Variants in CEP152 observed in about 807,000 individuals in gnomAD.
The protein encoded by CEP152 is centrosomal protein 152.
A neutral mutation model predicts 188.9 loss-of-function variants in CEP152; 132 were observed. That is an observed-to-expected ratio of 0.70 (90% CI 0.61 to 0.81). The LOEUF (loss-of-function observed/expected upper bound fraction) is 0.81. Ranked by LOEUF, CEP152 falls within the 30% of genes least tolerant of loss-of-function variation. CEP152 has a pLI of 0.00. For missense variants in CEP152, 1,914 were observed against 1,969.8 expected, an observed-to-expected ratio of 0.97 and a Z score of 0.54; for synonymous variants, 649 against 666.6, an observed-to-expected ratio of 0.97 and a Z score of 0.41.
intron 17 of CEP152, 68 bp downstream of exon 17, chr15:48,766,992 C>T (rs996411612): frequency 1.0e-5 from 16 of 1,591,004 alleles, no homozygotes; most frequent in Admixed American, 5.0e-5. Context: ...CAAATGTATT[C>T]GTTTAAATGA....
At chr15:48,742,556 T>C (rs995333395) in intron 24 of CEP152, among the ~76,000 whole-genome samples, 3 of 152,182 alleles carry the variant, frequency 2.0e-5, no homozygotes, top group African/African-American at 7.2e-5. Context: ...GAGAGACTCA[T>C]TCTTCTCTAG....
intron 22 of CEP152, 134 bp from the exon 23 acceptor site, chr15:48,745,126 T>C: frequency 1.7e-6 from 1 of 580,638 alleles, no homozygotes; most frequent in East Asian, 3.1e-5. Flanking sequence ...GTTCATCCCC[T>C]TAGAAACCCT....
intron 19 of CEP152, among the ~76,000 whole-genome samples, chr15:48,757,057 T>C (rs990230450): frequency 9.9e-5 from 15 of 152,186 alleles, no homozygotes; most frequent in African/African-American, 3.6e-4. Context: ...GAAAAAGTCA[T>C]TTTTCATTAG....
intron 18 of CEP152, among the ~76,000 whole-genome samples, chr15:48,760,627 C>T (rs1023235123): frequency 3.9e-5 from 6 of 152,148 alleles, no homozygotes; most frequent in Non-Finnish European, 7.4e-5. Flanking sequence ...TGTCTAATCA[C>T]TACACCCACC....
At chr15:48,789,600 T>C (rs1896882614) in intron 8 of CEP152, among the ~76,000 whole-genome samples, 1 of 152,214 alleles carries the variant, frequency 6.6e-6, no homozygotes, top group Non-Finnish European at 1.5e-5. Flanking sequence ...TTAGATTGCC[T>C]TAAAATAAGG....
At chr15:48,796,816 A>G (rs952245902) in intron 5 of CEP152, among the ~76,000 whole-genome samples, 1 of 152,080 alleles carries the variant, frequency 6.6e-6, no homozygotes, top group Non-Finnish European at 1.5e-5. Flanking sequence ...CTTCACATTC[A>G]TCCTGTCTAC....
intron 17 of CEP152, among the ~76,000 whole-genome samples, chr15:48,764,068 G>A (rs1894887211): frequency 6.6e-6 from 1 of 152,282 alleles, no homozygotes; most frequent in Middle Eastern, 3.4e-3. Flanking sequence ...ACTGCTAATA[G>A]CTCAATTCCA....
At chr15:48,801,817 G>A (rs777783988) in intron 2 of CEP152, among the ~76,000 whole-genome samples, 2 of 152,154 alleles carry the variant, frequency 1.3e-5, no homozygotes, top group Non-Finnish European at 2.9e-5. Flanking sequence ...TCTGGGGCTG[G>A]GTGCAGTGGC....
Position 48,769,104 on chromosome 15 carries a change from T to G in CEP152, c.1783-23A>C, listed in dbSNP as rs550963618. ...AGTCTGAATATTAAAAGGTCAAAAG[T>G]TTTACAAGTTTTAAAAAATTCTAAG... On this transcript the variant is annotated intron_variant, in intron 13 of 26. Transcript: ENST00000380950. 280 of 1,572,246 alleles carry G rather than the reference T, an allele frequency of 1.8e-4. 1 individual carries two copies. In the East Asian group the frequency reaches 5.5e-3, roughly 31 times the overall value.
In CEP152 at chr15:48,762,427, T is replaced by G; in HGVS notation, c.2526A>C (p.Glu842Asp). 1.9e-6 allele frequency: 3 copies of G among 1,614,112 alleles called. No homozygotes were observed. The highest frequency in any genetic ancestry group is 1.7e-6 in the Non-Finnish European group (2 of 1,179,980). ...IKGAMKKLEI[E>D]LELKHCENIT... ...TATTTTCACAATGTTTGAGTTCCAA[T>G]TCAATTTCGAGTTTCTTCATAGCCC... Residue 842 changes from glutamate to aspartate, a missense_variant, in exon 18 of 27, where the codon GAA (glutamate) becomes GAC (aspartate). Physicochemically the swap from Glu to Asp is conservative, Grantham distance 45. Transcript: ENST00000380950.
intron 2 of CEP152, among the ~76,000 whole-genome samples, chr15:48,802,469 T>C (rs1404318358): frequency 2.0e-5 from 3 of 152,226 alleles, no homozygotes; most frequent in African/African-American, 7.2e-5. Flanking sequence ...TTTTAAGAGA[T>C]GAGAGTTTCA....
intron 1 of CEP152, among the ~76,000 whole-genome samples, chr15:48,806,953 G>C (rs1444494854): frequency 6.6e-6 from 1 of 152,058 alleles, no homozygotes; most frequent in Non-Finnish European, 1.5e-5. Context: ...ACATACATAT[G>C]AACTTCAGTG....
At chr15:48,777,325 G>A (rs10162969) in intron 12 of CEP152, among the ~76,000 whole-genome samples, 35,345 of 151,734 alleles carry the variant, frequency 0.23, 5,749 homozygotes, top group East Asian at 0.47. Flanking sequence ...GGAACTCTGC[G>A]TAATACAAAT....
rs753527153 is a variant in CEP152, at chr15:48,769,112, G to T, written c.1783-31C>A. The stretch of plus-strand genomic sequence containing the variant: ...TATTAAAAGGTCAAAAGTTTTACAA[G>T]TTTTAAAAAATTCTAAGTTTCACTT... On this transcript the variant is annotated intron_variant, in intron 13 of 26. Coordinates refer to ENST00000380950, the MANE Select transcript of CEP152 (RefSeq NM_001194998.2). 27 of 1,564,154 alleles carry T rather than the reference G, an allele frequency of 1.7e-5. No individual in the cohort carries two copies. The African/African-American group carries it at 3.4e-4, about 20-fold the overall frequency.
chr15:48,777,466 T>TTGTGTGTGTGTGTGTGTGTG (rs35650877), intron 12 of CEP152, among the ~76,000 whole-genome samples: 1 of 147,354 alleles, frequency 6.8e-6, no homozygotes, highest in South Asian at 2.2e-4. Flanking sequence ...TCTTAGAATA[T>TTGTGTGTGTGTGTGTGTGTG]TGTGTGTGTG....
intron 2 of CEP152, 125 bp from the exon 3 acceptor site, chr15:48,798,176 T>A: frequency 1.4e-6 from 1 of 720,844 alleles, no homozygotes; most frequent in Non-Finnish European, 2.5e-6. Flanking sequence ...CTCCTTTAAT[T>A]AACTTCTTAA....
intron 2 of CEP152, among the ~76,000 whole-genome samples, chr15:48,799,305 T>C (rs935440347): frequency 6.6e-6 from 1 of 151,906 alleles, no homozygotes; most frequent in Non-Finnish European, 1.5e-5. Flanking sequence ...TTAAACAAAA[T>C]ATGTATAGTA....
In CEP152 at chr15:48,738,287, C is replaced by A. The variant is rs779597693; in HGVS notation, c.5095G>T (p.Asp1699Tyr). 1.2e-6 allele frequency: 2 copies of A among 1,613,800 alleles called. No individual in the cohort carries two copies. The highest frequency in any genetic ancestry group is 1.7e-6 in the Non-Finnish European group (2 of 1,179,858). Reference protein sequence around the residue: ...KLIVPLSSQQDSGFDSPFVNL... With the variant: ...KLIVPLSSQQYSGFDSPFVNL... ...ACAAATGGGCTATCAAAGCCACTATCTTGTTGGCTAGATAGCGGAACAATT... is the reference window on the plus strand; with the variant it reads ...ACAAATGGGCTATCAAAGCCACTATATTGTTGGCTAGATAGCGGAACAATT... Residue 1699 changes from aspartate to tyrosine, a missense_variant, in exon 27 of 27, where the codon GAT becomes TAT. Coordinates refer to ENST00000380950, the MANE Select transcript of CEP152 (RefSeq NM_001194998.2).
At chr15:48,801,523 G>A (rs947941917) in intron 2 of CEP152, among the ~76,000 whole-genome samples, 1 of 152,238 alleles carries the variant, frequency 6.6e-6, no homozygotes, top group African/African-American at 2.4e-5. Context: ...TAAATGACCC[G>A]TCAACACTAA....
Sources: gnomAD v4.1 joint callset for allele counts (sites outside exome capture counted in the v4.1 genomes callset) on GRCh38, gnomAD v4.1.1 for gene constraint, MANE v1.5 for transcripts, NCBI Gene and HGNC (gene_info 2026-07-23, HGNC 2026-07-21) for gene names.